LOC400499: variants seen among roughly 807,000 people sequenced by gnomAD.
the LOC400499 span, among the ~76,000 whole-genome samples, chr16:11,480,350 A>G: frequency 9.8e-5 from 15 of 152,332 alleles, no homozygotes; most frequent in Admixed American, 9.1e-4. Context: ...AACAGCAAGG[A>G]TTATTGCCCT....
chr16:11,438,863 A>G, the LOC400499 span, among the ~76,000 whole-genome samples: 1 of 151,748 alleles, frequency 6.6e-6, no homozygotes, highest in Non-Finnish European at 1.5e-5. Flanking sequence ...GGAAGGTTGA[A>G]TCAGAAAGAC....
At chr16:11,423,000 G>A in the LOC400499 span, among the ~76,000 whole-genome samples, 1 of 147,324 alleles carries the variant, frequency 6.8e-6, no homozygotes, top group South Asian at 2.2e-4. Context: ...GGGAGTCCAG[G>A]TGCATGTCAC....
At chr16:11,400,911 C>T in the LOC400499 span, among the ~76,000 whole-genome samples, 3 of 152,090 alleles carry the variant, frequency 2.0e-5, no homozygotes, top group African/African-American at 7.2e-5. Context: ...ACACCCGAGG[C>T]CCCCCAGCCA....
the LOC400499 span, among the ~76,000 whole-genome samples, chr16:11,434,918 G>A: frequency 2.6e-5 from 4 of 152,142 alleles, no homozygotes; most frequent in Non-Finnish European, 5.9e-5. Flanking sequence ...GAGACCAGAC[G>A]GAGACGCACA....
chr16:11,451,321 T>C, the LOC400499 span, among the ~76,000 whole-genome samples: 14 of 152,232 alleles, frequency 9.2e-5, no homozygotes, highest in Non-Finnish European at 1.5e-5. Context: ...GGCTCATGCC[T>C]GTAATCCCAG....
At chr16:11,456,741 G>T in the LOC400499 span, 1 of 1,260,364 alleles carries the variant, frequency 7.9e-7, no homozygotes, top group Non-Finnish European at 1.1e-6. Flanking sequence ...TTTGAGTCTT[G>T]AGTTAGCCTA....
the LOC400499 span, among the ~76,000 whole-genome samples, chr16:11,513,039 C>G: frequency 3.9e-5 from 6 of 152,212 alleles, no homozygotes; most frequent in African/African-American, 1.4e-4. Flanking sequence ...AGCCCTGCCT[C>G]TCACTCACCG....
At chr16:11,396,460 G>T in the LOC400499 span, 1 of 1,230,910 alleles carries the variant, frequency 8.1e-7, no homozygotes, top group Non-Finnish European at 1.0e-6. Context: ...GAACCGCAGG[G>T]ATGCCGGGAT....
At chr16:11,472,871 T>C in the LOC400499 span, 2 of 152,138 alleles carry the variant, frequency 1.3e-5, no homozygotes, top group African/African-American at 2.4e-5. Context: ...CTCACACCTG[T>C]AATCCCAGAA....
the LOC400499 span, among the ~76,000 whole-genome samples, chr16:11,464,246 A>G: frequency 6.6e-6 from 1 of 152,202 alleles, no homozygotes; most frequent in East Asian, 1.9e-4. Flanking sequence ...CCCTTTTTAC[A>G]GAAACAGATG....
chr16:11,447,813 C>G, the LOC400499 span: 2 of 1,328,590 alleles, frequency 1.5e-6, no homozygotes, highest in African/African-American at 3.0e-5. Flanking sequence ...CCATCTGGGC[C>G]CCAGCAGGTC....
chr16:11,452,207 T>G, the LOC400499 span, among the ~76,000 whole-genome samples: 2 of 79,608 alleles, frequency 2.5e-5, no homozygotes, highest in Non-Finnish European at 3.1e-5. Context: ...TTTTGTTTGT[T>G]TTTTTTTTTT....
chr16:11,489,513 A>C, the LOC400499 span, among the ~76,000 whole-genome samples: 32 of 152,132 alleles, frequency 2.1e-4, no homozygotes, highest in Admixed American at 7.2e-4. Context: ...CGGGAATATT[A>C]GAGTCCTACA....
At chr16:11,471,989 T>C in the LOC400499 span, 1 of 396,210 alleles carries the variant, frequency 2.5e-6, no homozygotes, top group Non-Finnish European at 4.4e-6. Flanking sequence ...CCAGGGTTTC[T>C]CTGCCTCAGC....
the LOC400499 span, chr16:11,393,527 T>C: frequency 4.1e-6 from 5 of 1,232,382 alleles, no homozygotes; most frequent in African/African-American, 4.6e-5. Flanking sequence ...CACGGCCCAG[T>C]AGGCCAACCC....
At chr16:11,471,040 G>C in the LOC400499 span, among the ~76,000 whole-genome samples, 1 of 152,248 alleles carries the variant, frequency 6.6e-6, no homozygotes, top group East Asian at 1.9e-4. Flanking sequence ...CCAAGGGCCT[G>C]TGGGTCACGG....
chr16:11,446,683 G>C, the LOC400499 span: 2 of 1,532,852 alleles, frequency 1.3e-6, no homozygotes, highest in South Asian at 2.4e-5. Flanking sequence ...CAGGGAGTGA[G>C]GAGGCAGCTG....
chr16:11,491,131 C>T, the LOC400499 span, among the ~76,000 whole-genome samples: 1 of 152,194 alleles, frequency 6.6e-6, no homozygotes, highest in South Asian at 2.1e-4. Flanking sequence ...CAAAGGTTTA[C>T]TTACTTGTCT....
the LOC400499 span, among the ~76,000 whole-genome samples, chr16:11,464,045 G>A: frequency 3.9e-5 from 6 of 152,150 alleles, no homozygotes; most frequent in Non-Finnish European, 5.9e-5. Flanking sequence ...GGATGTGTAT[G>A]GACTCTGTAC....
Sources: allele counts gnomAD v4.1 joint callset (sites outside exome capture counted in the v4.1 genomes callset), GRCh38; gene constraint gnomAD v4.1.1; transcripts MANE v1.5.